Variants in ZNF560 observed in about 807,000 individuals in gnomAD.
The protein encoded by ZNF560 is zinc finger protein 560.
Under a neutral mutation model 81.8 loss-of-function variants are expected in ZNF560, and 54 were observed. The observed-to-expected ratio is 0.66, with a 90% CI of 0.53 to 0.83. The LOEUF is 0.83. ZNF560 is among the 40% of genes least tolerant of loss of function. The pLI is 0.00. For missense variants in ZNF560, 940 were observed against 932.4 expected (o/e 1.01, Z -0.11); for synonymous variants, 321 against 317.9 (o/e 1.01, Z -0.10).
intron 5 of ZNF560, 79 bp from the exon 6 acceptor site, chr19:9,471,457 T>G: frequency 9.3e-6 from 8 of 862,526 alleles, no homozygotes; most frequent in Non-Finnish European, 1.4e-5. Flanking sequence ...ATTATAGGCC[T>G]CATTCATATT....
At chr19:9,475,521 C>T (rs2073186750) in intron 2 of ZNF560, among the ~76,000 whole-genome samples, 152 bp from the exon 3 acceptor site, 1 of 152,080 alleles carries the variant, frequency 6.6e-6, no homozygotes, top group Non-Finnish European at 1.5e-5. Flanking sequence ...CACTGCACTT[C>T]TGTCTAACCT....
the ZNF560 span, among the ~76,000 whole-genome samples, chr19:9,456,957 C>T: frequency 1.8e-4 from 28 of 152,192 alleles, no homozygotes; most frequent in Admixed American, 8.5e-4. Flanking sequence ...TCTCTTCAAG[C>T]GGAAAGACAA....
rs34316228 is a variant in ZNF560 at position 9,475,607 on chromosome 19, CTTT to C, written c.-56-241_-56-239del. Among the ~76,000 whole-genome samples the C allele has an allele frequency of 2.1e-4, 30 of 139,954 alleles. 1 individual carries two copies. The highest frequency in any genetic ancestry group is 5.7e-4 in the Admixed American group (8 of 14,056). The allele number at this position is 139,954 out of a possible 152,430, so 91.8% of individuals were successfully genotyped here. On this transcript the variant is annotated intron_variant, in intron 2 of 9. Transcript: ENST00000301480. The stretch of plus-strand genomic sequence containing the variant: ...TATCCTCATTGCACAGGTAAAGAAA[CTTT>C]TTTTTTTTTTTTTGGAGATGGAGTT...
At chr19:9,500,667 G>A (rs529759679), upstream of ZNF560, among the ~76,000 whole-genome samples, 26 of 151,542 alleles carry the variant, frequency 1.7e-4, no homozygotes, top group South Asian at 2.7e-3. Context: ...TCCACCTCCC[G>A]GGTTCAAGCA....
At chr19:9,462,916 T>C (rs1330580244), downstream of ZNF560, among the ~76,000 whole-genome samples, 1 of 152,196 alleles carries the variant, frequency 6.6e-6, no homozygotes, top group Non-Finnish European at 1.5e-5. Context: ...AAGCCATTCA[T>C]GGGAAAGATT....
At chr19:9,479,962 C>A (rs543813864) in intron 2 of ZNF560, among the ~76,000 whole-genome samples, 4 of 151,954 alleles carry the variant, frequency 2.6e-5, no homozygotes, top group African/African-American at 9.7e-5. Context: ...CAACAGAGCA[C>A]GTAAACATAT....
chr19:9,457,378 A>G, the ZNF560 span, among the ~76,000 whole-genome samples: 2 of 152,234 alleles, frequency 1.3e-5, no homozygotes, highest in Admixed American at 6.5e-5. Context: ...GTTTGCAATT[A>G]CGATTCCTGT....
At chr19:9,489,443 T>G (rs1011735729) in intron 2 of ZNF560, among the ~76,000 whole-genome samples, 7 of 149,184 alleles carry the variant, frequency 4.7e-5, no homozygotes, top group African/African-American at 1.7e-4. Context: ...TCCCAGACGG[T>G]AGGCAGCTGA....
chr19:9,483,340 C>T (rs1249652654), intron 2 of ZNF560, among the ~76,000 whole-genome samples: 1 of 149,804 alleles, frequency 6.7e-6, no homozygotes, highest in East Asian at 2.1e-4. Flanking sequence ...TGAGGAGCAT[C>T]TCTGCCCAGC....
Position 9,470,653 on chromosome 19 carries a change from C to T in ZNF560, c.322-135G>A, listed in dbSNP as rs1243751576. 13 of 1,169,348 alleles carry T rather than the reference C, an allele frequency of 1.1e-5. No individual in the cohort carries two copies. In the Admixed American group the frequency reaches 1.6e-4, roughly 15 times the overall value. The allele number at this position is 1,169,348 out of a possible 1,614,324, so 72.4% of individuals were successfully genotyped here. A position where few individuals can be genotyped will look rare whatever the true frequency, so the allele number is the denominator to read the frequency against. ...CTATCTACACCCCAAGGTTCAGTGG[C>T]CCTAGGAACTCTTCTATCCACATTC... On this transcript the variant is annotated intron_variant, in intron 6 of 9. Coordinates refer to ENST00000301480, the MANE Select transcript of ZNF560 (RefSeq NM_152476.3).
At chr19:9,455,082 C>G in the ZNF560 span, among the ~76,000 whole-genome samples, 1 of 152,146 alleles carries the variant, frequency 6.6e-6, no homozygotes, top group East Asian at 1.9e-4. Flanking sequence ...CAGTTCTATT[C>G]AGGCAGGAAT....
rs758382621 is a variant in ZNF560 at position 9,467,508 on chromosome 19, C to G, written c.1439G>C (p.Arg480Thr). The change falls in exon 10 of 10, where the codon AGA (arginine) becomes ACA (threonine). Residue 480 changes from arginine (R) to threonine (T), a missense_variant. Coordinates refer to ENST00000301480, the MANE Select transcript of ZNF560 (RefSeq NM_152476.3). ...AAAGCGTTTCTGTCCTGTGTTACTTCTTCTATCTTCAATAACACCTGAGGA... is the reference window on the plus strand; with the variant it reads ...AAAGCGTTTCTGTCCTGTGTTACTTGTTCTATCTTCAATAACACCTGAGGA... The part of the protein sequence containing the change: ...GTSSGVIEDR[R>T]SNTGQKRFDC... 1.2e-6 allele frequency: 2 copies of G among 1,614,112 alleles called. No homozygotes were observed. The highest frequency in any genetic ancestry group is 3.3e-5 in the Admixed American group (2 of 60,012).
chr19:9,484,030 C>G (rs1295659213), intron 2 of ZNF560, among the ~76,000 whole-genome samples: 1 of 152,140 alleles, frequency 6.6e-6, no homozygotes, highest in African/African-American at 2.4e-5. Context: ...GCTGTGTCCA[C>G]TCAGGGTTAA....
At chr19:9,446,118 G>A in the ZNF560 span, among the ~76,000 whole-genome samples, 5 of 152,110 alleles carry the variant, frequency 3.3e-5, no homozygotes, top group Non-Finnish European at 7.4e-5. Flanking sequence ...CATGATGTGT[G>A]CCTCTGGTTT....
the ZNF560 span, among the ~76,000 whole-genome samples, chr19:9,506,194 T>C: frequency 9.2e-5 from 14 of 152,028 alleles, no homozygotes; most frequent in Non-Finnish European, 2.1e-4. Context: ...GGTTTCACCA[T>C]GTTGGCCACG....
intron 2 of ZNF560, among the ~76,000 whole-genome samples, chr19:9,482,340 G>C (rs1203316972): frequency 6.6e-6 from 1 of 151,680 alleles, no homozygotes; most frequent in East Asian, 1.9e-4. Flanking sequence ...GAGTTAATGG[G>C]TGCAGCAAAC....
At chr19:9,494,059 G>A (rs2073514856) in intron 2 of ZNF560, among the ~76,000 whole-genome samples, 1 of 150,900 alleles carries the variant, frequency 6.6e-6, no homozygotes, top group Non-Finnish European at 1.5e-5. Flanking sequence ...TTGAACCTGG[G>A]AGGCGGAGGT....
intron 2 of ZNF560, among the ~76,000 whole-genome samples, chr19:9,482,066 C>G (rs79853162): frequency 0.044 from 6,728 of 152,216 alleles, 208 homozygotes; most frequent in Non-Finnish European, 0.068. Flanking sequence ...AAATGTGGCA[C>G]ATATACACAA....
At chr19:9,489,263 G>T (rs990261663) in intron 2 of ZNF560, among the ~76,000 whole-genome samples, 2 of 151,770 alleles carry the variant, frequency 1.3e-5, no homozygotes, top group Non-Finnish European at 2.9e-5. Flanking sequence ...AGGCAGAGGC[G>T]CTCCTCGCTT....
Sources: allele counts gnomAD v4.1 joint callset (sites outside exome capture counted in the v4.1 genomes callset), GRCh38; gene constraint gnomAD v4.1.1; transcripts MANE v1.5; gene names NCBI Gene and HGNC (gene_info 2026-07-23, HGNC 2026-07-21).